Variants in ACYP2 observed in about 807,000 individuals in gnomAD.
The protein encoded by ACYP2 is acylphosphatase-2.
ACYP2 carries 12 observed loss-of-function variants against 11.2 expected under a neutral mutation model. That is an observed-to-expected ratio of 1.08 (90% CI 0.69 to 1.74). The LOEUF (loss-of-function observed/expected upper bound fraction) is 1.74, where lower values mean the gene tolerates loss of function less well. Ranked by LOEUF, ACYP2 falls within the 40% of genes most tolerant of loss-of-function variation. The pLI is 0.00. For missense variants in ACYP2, 134 were observed against 101.9 expected, an observed-to-expected ratio of 1.31 and a Z score of -1.35; for synonymous variants, 43 against 32.2, an observed-to-expected ratio of 1.33 and a Z score of -1.13.
chr2:54,149,851 A>C (rs1682064699), intron 6 of ACYP2, among the ~76,000 whole-genome samples: 2 of 152,214 alleles, frequency 1.3e-5, no homozygotes, highest in African/African-American at 4.8e-5. Flanking sequence ...GAATGCTTGA[A>C]GGCATTGGGG....
chr2:54,017,502 A>G (rs375503763), intron 2 of ACYP2, among the ~76,000 whole-genome samples: 1 of 151,826 alleles, frequency 6.6e-6, no homozygotes, highest in African/African-American at 2.4e-5. Flanking sequence ...TGATCTGCCC[A>G]CCTCAGCCTC....
chr2:54,105,491 A>C (rs555489578), intron 4 of ACYP2, among the ~76,000 whole-genome samples: 6 of 151,900 alleles, frequency 3.9e-5, no homozygotes, highest in Admixed American at 3.9e-4. Context: ...TTATTTATTT[A>C]TTTTTGAGGC....
intron 6 of ACYP2, among the ~76,000 whole-genome samples, chr2:54,195,244 A>G (rs698750): frequency 0.32 from 49,126 of 152,038 alleles, 8,993 homozygotes; most frequent in African/African-American, 0.49. Flanking sequence ...GCCAGTCACA[A>G]ACCAATTTAC....
At chr2:54,116,983 A>T (rs1250564330) in intron 4 of ACYP2, among the ~76,000 whole-genome samples, 1 of 152,142 alleles carries the variant, frequency 6.6e-6, no homozygotes, top group Non-Finnish European at 1.5e-5. Flanking sequence ...GTGACTCAGG[A>T]TGGAGCAGGT....
intron 4 of ACYP2, among the ~76,000 whole-genome samples, chr2:54,105,840 G>A (rs1679128577): frequency 6.6e-6 from 1 of 151,970 alleles, no homozygotes; most frequent in South Asian, 2.1e-4. Flanking sequence ...CCTACACATG[G>A]CACATACTGG....
intron 4 of ACYP2, chr2:54,065,404 A>G (rs1676694536): frequency 5.0e-6 from 2 of 398,354 alleles, no homozygotes; most frequent in Admixed American, 4.4e-5. Flanking sequence ...ATGCTTTTAT[A>G]TACATACATA....
intron 4 of ACYP2, among the ~76,000 whole-genome samples, chr2:54,123,609 C>A (rs1181746736): frequency 6.6e-6 from 1 of 152,032 alleles, no homozygotes; most frequent in South Asian, 2.1e-4. Context: ...TCCCATTCCC[C>A]ACCTCATTCC....
At position 53,978,311 on chromosome 2, in the gene ACYP2, T is replaced by C. The variant is rs1286532409; in HGVS notation, c.62+4501T>C. ...TAATTCTAAAATATTATAGAAATTA[T>C]TGGGAGCAAAATGGAGTGACTGTGG... On this transcript the variant is annotated intron_variant, in intron 2 of 6. Transcript: ENST00000607452. Among the ~76,000 whole-genome samples, 11 of 151,474 alleles carry C rather than the reference T, an allele frequency of 7.3e-5. No homozygotes were observed. In the South Asian group the frequency reaches 2.3e-3, roughly 32 times the overall value.
intron 6 of ACYP2, among the ~76,000 whole-genome samples, chr2:54,295,913 G>A (rs186981759): frequency 2.6e-5 from 4 of 152,026 alleles, no homozygotes; most frequent in African/African-American, 7.3e-5. Flanking sequence ...GGCACCCACC[G>A]CCATGCCTGG....
intron 6 of ACYP2, among the ~76,000 whole-genome samples, chr2:54,268,877 G>A (rs1396014482): frequency 6.6e-6 from 1 of 152,070 alleles, no homozygotes; most frequent in Non-Finnish European, 1.5e-5. Context: ...AGGCATTTAA[G>A]TGACATATTC....
At chr2:54,253,019 C>A (rs558882229) in intron 6 of ACYP2, among the ~76,000 whole-genome samples, 1 of 152,286 alleles carries the variant, frequency 6.6e-6, no homozygotes, top group East Asian at 1.9e-4. Flanking sequence ...TCAAGACCAG[C>A]CTGGCCAACA....
intron 6 of ACYP2, among the ~76,000 whole-genome samples, chr2:54,237,500 A>C (rs1282913570): frequency 6.6e-6 from 1 of 151,978 alleles, no homozygotes; most frequent in Non-Finnish European, 1.5e-5. Flanking sequence ...TTTTTTCTCT[A>C]CTTCATTATT....
intron 4 of ACYP2, among the ~76,000 whole-genome samples, chr2:54,103,536 C>G (rs1679010955): frequency 6.6e-6 from 1 of 152,028 alleles, no homozygotes; most frequent in South Asian, 2.1e-4. Context: ...ACACATAGAT[C>G]CATGCAATGG....
At chr2:54,043,277 C>T (rs754252673) in intron 2 of ACYP2, among the ~76,000 whole-genome samples, 1 of 152,118 alleles carries the variant, frequency 6.6e-6, no homozygotes, top group South Asian at 2.1e-4. Context: ...CAAAAGGAAT[C>T]CAATATACAG....
Position 54,256,089 on chromosome 2 carries a change from G to T in ACYP2, c.405-48599G>T, listed in dbSNP as rs200899511. ...TCTTTTCTCGGGACCTCTGGCCCTG[G>T]TGCGGGTCTTCCAGAGCATAGTCGA... On this transcript the variant is annotated intron_variant, in intron 6 of 6. Transcript: ENST00000607452. 5.6e-6 allele frequency: 9 copies of T among 1,614,006 alleles called. 1 individual carries two copies. Among genetic ancestry groups the T allele is most frequent in the South Asian group, 4.4e-5 (4 of 91,078 alleles).
At position 54,043,103 on chromosome 2, in the gene ACYP2, T is replaced by A. The variant is rs569746503; in HGVS notation, c.63-7855T>A. The stretch of plus-strand genomic sequence containing the variant: ...TGTGTGTGTGTGTGTGTGTGTCTGC[T>A]ATTTTAAAACTAGTGGCCTAAAAAT... On this transcript the variant is annotated intron_variant, in intron 2 of 6. Coordinates refer to ENST00000607452, the MANE Select transcript of ACYP2 (RefSeq NM_001320586.2). Among the ~76,000 whole-genome samples, 11 of 151,902 alleles carry A rather than the reference T, an allele frequency of 7.2e-5. No individual in the cohort carries two copies. The East Asian group carries it at 2.0e-3, about 27-fold the overall frequency.
At chr2:54,069,172 C>G (rs1261206897) in intron 4 of ACYP2, among the ~76,000 whole-genome samples, 1 of 152,162 alleles carries the variant, frequency 6.6e-6, no homozygotes, top group Non-Finnish European at 1.5e-5. Flanking sequence ...CTCAAACAAT[C>G]CGCCTGCCCA....
At chr2:54,069,107 T>G (rs927494431) in intron 4 of ACYP2, among the ~76,000 whole-genome samples, 2 of 152,028 alleles carry the variant, frequency 1.3e-5, no homozygotes, top group Non-Finnish European at 2.9e-5. Flanking sequence ...TTTTAAACAT[T>G]TTTTGTAGAG....
intron 4 of ACYP2, among the ~76,000 whole-genome samples, chr2:54,113,503 C>G (rs770378561): frequency 1.5e-4 from 23 of 152,022 alleles, no homozygotes; most frequent in Non-Finnish European, 3.1e-4. Flanking sequence ...GCCTTGGCCT[C>G]CCAACATGTT....
Sources: allele counts gnomAD v4.1 joint callset (sites outside exome capture counted in the v4.1 genomes callset), GRCh38; gene constraint gnomAD v4.1.1; transcripts MANE v1.5; gene names NCBI Gene and HGNC (gene_info 2026-07-23, HGNC 2026-07-21).